Variants in COG5 observed in about 807,000 individuals in gnomAD.
COG5 encodes component of oligomeric golgi complex 5.
In COG5, 86 loss-of-function variants were observed where a neutral mutation model predicts 110.4. The observed-to-expected ratio is 0.78, with a 90% CI of 0.65 to 0.93. The LOEUF is 0.93. Ranked by LOEUF, COG5 falls within the 40% of genes least tolerant of loss-of-function variation. The pLI is 0.00. For missense variants in COG5, 1,077 were observed against 987.0 expected (o/e 1.09, Z -1.22); for synonymous variants, 360 against 334.6 (o/e 1.08, Z -0.83).
intron 6 of COG5, among the ~76,000 whole-genome samples, chr7:107,456,899 C>T (rs1267064107): frequency 6.6e-6 from 1 of 152,116 alleles, no homozygotes; most frequent in Non-Finnish European, 1.5e-5. Flanking sequence ...CTAAACTAGC[C>T]TTAGAATAAA....
rs531971010 is a variant in COG5 at position 107,356,794 on chromosome 7, T to C, written c.1026+5239A>G. Among the ~76,000 whole-genome samples the C allele has an allele frequency of 1.7e-3, 262 of 152,268 alleles. 3 individuals carry two copies. The highest frequency in any genetic ancestry group is 6.0e-3 in the African/African-American group (250 of 41,572). On this transcript the variant is annotated intron_variant, in intron 10 of 21. Transcript: ENST00000297135. ...GAACTAGTTATACTGTTTTACTTCA[T>C]TTTTAAAATAAATAAAATTTTATTC...
intron 5 of COG5, among the ~76,000 whole-genome samples, chr7:107,542,209 GAGA>G (rs918076376): frequency 5.9e-5 from 9 of 152,156 alleles, no homozygotes; most frequent in African/African-American, 1.7e-4. Flanking sequence ...AGACAAGAGC[GAGA>G]AGGAGAAAAA....
intron 11 of COG5, among the ~76,000 whole-genome samples, chr7:107,314,352 T>C (rs576525114): frequency 3.3e-5 from 5 of 152,288 alleles, no homozygotes; most frequent in South Asian, 4.1e-4. Flanking sequence ...GTTATACAGA[T>C]GTTTTAAAAT....
Position 107,211,120 on chromosome 7 carries a change from AG to A in COG5, c.2273del (p.Ala758ValfsTer3), listed in dbSNP as rs764426090. 6.2e-7 allele frequency: 1 copy of A among 1,614,062 alleles called. No homozygotes were observed. Among genetic ancestry groups the A allele is most frequent in the African/African-American group, 1.3e-5 (1 of 74,936 alleles). ...IIQFLFTRAP[A>X]ELKSPFQRAE... The stretch of plus-strand genomic sequence containing the variant: ...TTACCTGGAAAGGAGATTTCAGTTC[AG>A]CGGGTGCTCTCGTGAACAAAAACTG... On this transcript the variant is annotated frameshift_variant, in exon 20 of 22. Transcript: ENST00000297135. LOFTEE classifies it high-confidence loss of function.
At chr7:107,457,659 G>T (rs1469097526) in intron 6 of COG5, among the ~76,000 whole-genome samples, 2 of 151,848 alleles carry the variant, frequency 1.3e-5, no homozygotes, top group African/African-American at 4.9e-5. Context: ...TCGATCTCCT[G>T]AAGTCGTGAT....
At chr7:107,288,890 C>T (rs894667454) in intron 12 of COG5, among the ~76,000 whole-genome samples, 7 of 127,526 alleles carry the variant, frequency 5.5e-5, no homozygotes, top group African/African-American at 2.1e-4. Flanking sequence ...AGATTTGCCC[C>T]TATGTTTTCT....
intron 7 of COG5, among the ~76,000 whole-genome samples, chr7:107,410,722 G>A (rs1052169398): frequency 2.0e-5 from 3 of 152,154 alleles, no homozygotes; most frequent in Non-Finnish European, 2.9e-5. Context: ...GATTACAGGT[G>A]TGAGCCACCG....
intron 5 of COG5, among the ~76,000 whole-genome samples, chr7:107,530,845 A>G (rs1004925376): frequency 6.6e-6 from 1 of 151,770 alleles, no homozygotes; most frequent in Non-Finnish European, 1.5e-5. Flanking sequence ...TTTATCTTAG[A>G]CTTTTACTAT....
chr7:107,410,976 CCAA>C (rs1792242848), intron 7 of COG5, among the ~76,000 whole-genome samples: 6 of 152,018 alleles, frequency 3.9e-5, no homozygotes. Flanking sequence ...GACTGTGAGC[CCAA>C]CGTATGAGAA....
At chr7:107,561,221 T>G (rs575336486) in intron 1 of COG5, among the ~76,000 whole-genome samples, 2 of 152,304 alleles carry the variant, frequency 1.3e-5, no homozygotes, top group South Asian at 4.1e-4. Context: ...AGAGGGCATA[T>G]CAGAAACACC....
intron 7 of COG5, among the ~76,000 whole-genome samples, chr7:107,411,630 T>C (rs942269621): frequency 6.6e-6 from 1 of 152,124 alleles, no homozygotes; most frequent in African/African-American, 2.4e-5. Context: ...TTTCATTTTG[T>C]ATATGATATT....
chr7:107,337,694 A>G (rs1810824271), intron 10 of COG5, among the ~76,000 whole-genome samples: 2 of 152,166 alleles, frequency 1.3e-5, no homozygotes, highest in Non-Finnish European at 2.9e-5. Flanking sequence ...GTAAATGGCT[A>G]AAAACATACA....
intron 16 of COG5, among the ~76,000 whole-genome samples, chr7:107,256,133 AAAT>A (rs1482675210): frequency 2.0e-5 from 3 of 152,136 alleles, no homozygotes; most frequent in Non-Finnish European, 4.4e-5. Flanking sequence ...GCAATTTCCT[AAAT>A]AATAGAAAGG....
intron 19 of COG5, among the ~76,000 whole-genome samples, chr7:107,224,048 G>C (rs1326707258): frequency 6.6e-6 from 1 of 152,232 alleles, no homozygotes; most frequent in Non-Finnish European, 1.5e-5. Flanking sequence ...AAACAACTAA[G>C]TCCAAGATGG....
At position 107,262,412 on chromosome 7, in the gene COG5, T is replaced by C. The variant is rs75636453; in HGVS notation, c.1576-4029A>G. ...ATGGGATCCAGTGCAACTGTGGAGATACTGGCTTTAAACTGGGGCCTGGAG... is the reference window on the plus strand; with the variant it reads ...ATGGGATCCAGTGCAACTGTGGAGACACTGGCTTTAAACTGGGGCCTGGAG... On this transcript the variant is annotated intron_variant, in intron 14 of 21. Transcript: ENST00000297135. Among the ~76,000 whole-genome samples, 664 of 152,286 alleles carry C rather than the reference T, an allele frequency of 4.4e-3. 6 individuals are homozygous for C. Among genetic ancestry groups the C allele is most frequent in the African/African-American group, 0.016 (649 of 41,558 alleles).
chr7:107,296,829 C>T (rs1806790578), intron 12 of COG5, among the ~76,000 whole-genome samples: 1 of 152,138 alleles, frequency 6.6e-6, no homozygotes, highest in African/African-American at 2.4e-5. Context: ...ACTGTTTAAA[C>T]AGCACCCATG....
intron 17 of COG5, among the ~76,000 whole-genome samples, chr7:107,241,539 G>C (rs562098351): frequency 6.6e-6 from 1 of 151,398 alleles, no homozygotes; most frequent in Non-Finnish European, 1.5e-5. Context: ...TGCAAGCTCC[G>C]CCTCCGGGGT....
chr7:107,356,125 ATTAT>A (rs1383141358), intron 10 of COG5, among the ~76,000 whole-genome samples: 2 of 152,234 alleles, frequency 1.3e-5, no homozygotes, highest in East Asian at 3.8e-4. Context: ...AATTATAAAA[ATTAT>A]TTAACAAAGG....
chr7:107,528,554 T>C (rs1800945491), intron 5 of COG5, among the ~76,000 whole-genome samples: 2 of 152,176 alleles, frequency 1.3e-5, no homozygotes, highest in African/African-American at 4.8e-5. Context: ...TTACAGAAGC[T>C]GGATTCACAG....
Sources: gnomAD v4.1 joint callset for allele counts (sites outside exome capture counted in the v4.1 genomes callset) on GRCh38, gnomAD v4.1.1 for gene constraint, MANE v1.5 for transcripts, NCBI Gene and HGNC (gene_info 2026-07-23, HGNC 2026-07-21) for gene names.